The following FAM163A variants were observed in gnomAD, a reference collection of about 807,000 sequenced individuals.
FAM163A encodes the protein family with sequence similarity 163 member A.
Under a neutral mutation model 12.0 loss-of-function variants are expected in FAM163A, and 7 were observed. That is an observed-to-expected ratio of 0.58 (90% CI 0.33 to 1.10). The LOEUF is 1.10. FAM163A is among the 50% of genes least tolerant of loss of function. The pLI, the probability that FAM163A is intolerant of heterozygous loss-of-function variation, is 0.03. For missense variants in FAM163A, 202 were observed against 218.6 expected (o/e 0.92, Z 0.48); for synonymous variants, 101 against 91.0 (o/e 1.11, Z -0.62).
the FAM163A span, among the ~76,000 whole-genome samples, chr1:179,728,994 G>A: frequency 1.3e-5 from 2 of 152,102 alleles, no homozygotes; most frequent in Non-Finnish European, 2.9e-5. Context: ...TGGTTGATTA[G>A]CTATTGGTCT....
At chr1:179,755,600 G>C (rs1685911113) in intron 1 of FAM163A, among the ~76,000 whole-genome samples, 1 of 152,176 alleles carries the variant, frequency 6.6e-6, no homozygotes, top group African/African-American at 2.4e-5. Context: ...AAGGAATGAG[G>C]ATTTTTGCAA....
At chr1:179,732,678 G>A in the FAM163A span, among the ~76,000 whole-genome samples, 4 of 151,714 alleles carry the variant, frequency 2.6e-5, no homozygotes, top group African/African-American at 4.8e-5. Flanking sequence ...GCTCAGGGGC[G>A]GAGACCAACC....
chr1:179,781,115 A>C (rs1198415260), intron 1 of FAM163A, among the ~76,000 whole-genome samples: 1 of 152,160 alleles, frequency 6.6e-6, no homozygotes, highest in African/African-American at 2.4e-5. Context: ...CGAGAGTGAA[A>C]GTAGATTCGT....
the FAM163A span, among the ~76,000 whole-genome samples, chr1:179,733,669 T>C: frequency 6.6e-6 from 1 of 152,158 alleles, no homozygotes; most frequent in Non-Finnish European, 1.5e-5. Flanking sequence ...TCTGTCTCTG[T>C]GCTCCTGTAT....
At chr1:179,770,396 T>TGAACTTCCC (rs1170994375) in intron 1 of FAM163A, among the ~76,000 whole-genome samples, 1 of 152,176 alleles carries the variant, frequency 6.6e-6, no homozygotes, top group Non-Finnish European at 1.5e-5. Context: ...CCTGGCTTCC[T>TGAACTTCCC]GAACTTCCCA....
At chr1:179,741,567 T>C (rs1317417933), upstream of FAM163A, among the ~76,000 whole-genome samples, 1 of 152,228 alleles carries the variant, frequency 6.6e-6, no homozygotes, top group African/African-American at 2.4e-5. Context: ...AATTGTGATA[T>C]GTCCATACAA....
rs767357093 is a variant in FAM163A at position 179,753,597 on chromosome 1, G to A, written c.-136+10174G>A. Among the ~76,000 whole-genome samples, 62 of 152,272 alleles carry A rather than the reference G, an allele frequency of 4.1e-4. 1 individual carries two copies. Among genetic ancestry groups the A allele is most frequent in the Middle Eastern group, 6.8e-3 (2 of 294 alleles). On this transcript the variant is annotated intron_variant, in intron 1 of 4. Transcript: ENST00000341785. Reference sequence around the variant, plus strand: ...GGAGGGACTGGTCTTAGGAGAAAGAGGGACCACTCTCCTGGGGTAACTGGA... The same window carrying A: ...GGAGGGACTGGTCTTAGGAGAAAGAAGGACCACTCTCCTGGGGTAACTGGA...
intron 1 of FAM163A, among the ~76,000 whole-genome samples, chr1:179,762,330 C>T (rs1298888951): frequency 6.6e-6 from 1 of 151,952 alleles, no homozygotes; most frequent in Non-Finnish European, 1.5e-5. Context: ...AGTCTTTTTT[C>T]CAGGGCTGCA....
chr1:179,775,426 C>T (rs1026204913), intron 1 of FAM163A, among the ~76,000 whole-genome samples: 2 of 152,212 alleles, frequency 1.3e-5, no homozygotes, highest in African/African-American at 4.8e-5. Flanking sequence ...AGGGAGTAGC[C>T]TCTGGTCCTT....
chr1:179,779,143 A>G (rs985287494), intron 1 of FAM163A, among the ~76,000 whole-genome samples: 2 of 152,226 alleles, frequency 1.3e-5, no homozygotes, highest in Non-Finnish European at 2.9e-5. Context: ...GGTGTTAAGA[A>G]TCTGGGTAGT....
intron 1 of FAM163A, among the ~76,000 whole-genome samples, chr1:179,745,808 C>T (rs965745337): frequency 1.3e-5 from 2 of 152,170 alleles, no homozygotes; most frequent in Non-Finnish European, 2.9e-5. Context: ...AATGGCAGAG[C>T]AGAGCTTGAA....
chr1:179,806,535 C>T lies in FAM163A; in HGVS notation c.-135-1263C>T, dbSNP rs931530788. Among the ~76,000 whole-genome samples, 12 of 152,226 alleles carry T rather than the reference C, an allele frequency of 7.9e-5. 1 individual carries two copies. The South Asian group carries it at 1.4e-3, about 18-fold the overall frequency. On this transcript the variant is annotated intron_variant, in intron 1 of 4. Transcript: ENST00000341785. Reference sequence around the variant, plus strand: ...CTGCTGGGCTCAGACAGCCCCAGTCCGTGAGGCATCATGCTAATGTCTGTC... The same window carrying T: ...CTGCTGGGCTCAGACAGCCCCAGTCTGTGAGGCATCATGCTAATGTCTGTC...
intron 4 of FAM163A, 45 bp from the exon 5 acceptor site, chr1:179,813,734 G>T (rs763660117): frequency 1.9e-6 from 3 of 1,608,190 alleles, no homozygotes; most frequent in East Asian, 2.2e-5. Context: ...CATGGGGCGG[G>T]GGGAGCATTC....
In FAM163A at chr1:179,815,091, ACGCACG is replaced by A. The variant is rs773702948; in HGVS notation, c.*906_*911del. The A allele has an allele frequency of 1.0e-5, 1 of 96,948 alleles. No individual in the cohort carries two copies. Among genetic ancestry groups the A allele is most frequent in the Non-Finnish European group, 1.9e-5 (1 of 53,856 alleles). The allele number at this position is 96,948 out of a possible 1,614,324, so 6.0% of individuals were successfully genotyped here. ...GGTGTGCATAACCGTTCCCAGGTGT[ACGCACG>A]CGCGCGCGCGCGCACAGACACACAC... On this transcript the variant is annotated 3_prime_UTR_variant, in exon 5 of 5. Coordinates refer to ENST00000341785, the MANE Select transcript of FAM163A (RefSeq NM_173509.3).
chr1:179,809,530 C>T (rs1694414019), intron 2 of FAM163A, among the ~76,000 whole-genome samples: 1 of 152,352 alleles, frequency 6.6e-6, no homozygotes, highest in East Asian at 1.9e-4. Context: ...AGAACCCCAG[C>T]TCTGCCCACA....
At chr1:179,728,785 C>A in the FAM163A span, among the ~76,000 whole-genome samples, 1 of 152,160 alleles carries the variant, frequency 6.6e-6, no homozygotes, top group Admixed American at 6.5e-5. Context: ...AATCTACAAT[C>A]AAGGTAAACT....
At chr1:179,777,480 C>A (rs979969649) in intron 1 of FAM163A, among the ~76,000 whole-genome samples, 1 of 152,158 alleles carries the variant, frequency 6.6e-6, no homozygotes, top group Non-Finnish European at 1.5e-5. Context: ...TGCCACCCCC[C>A]ACAGACCCGA....
At chr1:179,747,623 T>C (rs1571298439) in intron 1 of FAM163A, among the ~76,000 whole-genome samples, 1 of 152,336 alleles carries the variant, frequency 6.6e-6, no homozygotes, top group South Asian at 2.1e-4. Flanking sequence ...CCAGGCTCTT[T>C]GGTATCAAGC....
intron 1 of FAM163A, among the ~76,000 whole-genome samples, chr1:179,750,211 T>C (rs1261085702): frequency 6.6e-6 from 1 of 152,208 alleles, no homozygotes; most frequent in Non-Finnish European, 1.5e-5. Flanking sequence ...GTTTACTGAA[T>C]GTCACTGGAG....
Sources: gnomAD v4.1 joint callset for allele counts (sites outside exome capture counted in the v4.1 genomes callset) on GRCh38, gnomAD v4.1.1 for gene constraint, MANE v1.5 for transcripts, NCBI Gene and HGNC (gene_info 2026-07-23, HGNC 2026-07-21) for gene names.